Variants in RPL35A observed in about 807,000 individuals in gnomAD.
RPL35A encodes the protein large ribosomal subunit protein eL33.
A neutral mutation model predicts 16.7 loss-of-function variants in RPL35A; 1 was observed. That is an observed-to-expected ratio of 0.06 (90% CI 0.02 to 0.28). RPL35A has a LOEUF of 0.28. RPL35A is among the 10% of genes least tolerant of loss of function. RPL35A has a pLI of 1.00. For synonymous variants in RPL35A, 58 were observed against 47.0 expected, an observed-to-expected ratio of 1.23 and a Z score of -0.96; for missense variants, 91 against 138.7, an observed-to-expected ratio of 0.66 and a Z score of 1.73.
intron 3 of RPL35A, 70 bp downstream of exon 3, chr3:197,951,381 T>C (rs1416359876): frequency 6.6e-7 from 1 of 1,519,158 alleles, no homozygotes; most frequent in Admixed American, 1.7e-5. Flanking sequence ...TATAACGGAG[T>C]CTTGCTCTGT....
intron 3 of RPL35A, chr3:197,953,425 C>T (rs1280474542): frequency 1.1e-5 from 5 of 456,626 alleles, no homozygotes; most frequent in African/African-American, 6.0e-5. Context: ...GCTCGAACCA[C>T]AGTAGTTTCT....
chr3:197,955,836 AACT>A lies in RPL35A; in HGVS notation c.*64_*66del. 1 of 1,327,388 alleles carries A rather than the reference AACT, an allele frequency of 7.5e-7. No homozygotes were observed. Among genetic ancestry groups the A allele is most frequent in the Non-Finnish European group, 1.1e-6 (1 of 921,708 alleles). The allele number at this position is 1,327,388 out of a possible 1,614,324, so 82.2% of individuals were successfully genotyped here. ...TCTTGTATTTTTAAGTGGATTAAAAAACTTACTACCTTAAATTGATTTGCTACA... is the reference window on the plus strand; with the variant it reads ...TCTTGTATTTTTAAGTGGATTAAAAATACTACCTTAAATTGATTTGCTACA... On this transcript the variant is annotated 3_prime_UTR_variant, in exon 5 of 5. Transcript: ENST00000647248.
intron 1 of RPL35A, 171 bp downstream of exon 1, chr3:197,950,392 G>A (rs1329068960): frequency 8.7e-7 from 1 of 1,142,882 alleles, no homozygotes; most frequent in East Asian, 3.5e-5. Flanking sequence ...ATGGTGTTTG[G>A]TCCCCTGACA....
intron 3 of RPL35A, chr3:197,953,531 GAC>G (rs762880384): frequency 1.1e-5 from 5 of 457,180 alleles, no homozygotes; most frequent in South Asian, 1.5e-5. Context: ...TTCCGGCCAG[GAC>G]ACACACTCCT....
At chr3:197,950,301 T>A in intron 1 of RPL35A, 80 bp downstream of exon 1, 1 of 1,230,058 alleles carries the variant, frequency 8.1e-7, no homozygotes, top group Middle Eastern at 3.1e-4. Context: ...GAGTCGCCGG[T>A]GCGTATCGGA....
At position 197,955,924 on chromosome 3, in the gene RPL35A, G is replaced by C; in HGVS notation, c.*151G>C. On this transcript the variant is annotated 3_prime_UTR_variant, in exon 5 of 5. Coordinates refer to ENST00000647248, the MANE Select transcript of RPL35A (RefSeq NM_000996.4). ...GAGTACAAGGGGGTCAGAGAGACAT[G>C]TGATGAAAATTACAGGGCGAGTACA... 2.9e-6 allele frequency: 2 copies of C among 696,696 alleles called. No individual in the cohort carries two copies. The highest frequency in any genetic ancestry group is 2.6e-6 in the Non-Finnish European group (1 of 388,922). The allele number at this position is 696,696 out of a possible 1,614,324, so 43.2% of individuals were successfully genotyped here.
chr3:197,954,955 T>C (rs933691390), intron 4 of RPL35A, among the ~76,000 whole-genome samples: 1 of 152,240 alleles, frequency 6.6e-6, no homozygotes, highest in Non-Finnish European at 1.5e-5. Flanking sequence ...TTAGTAGCTT[T>C]ATTTTGTACA....
At chr3:197,954,169 A>T in intron 4 of RPL35A, 22 bp downstream of exon 4, 1 of 1,613,768 alleles carries the variant, frequency 6.2e-7, no homozygotes, top group Non-Finnish European at 8.5e-7. Flanking sequence ...TTTTAGCAAA[A>T]TGGACGTCTG....
At chr3:197,953,729 C>T (rs1048104407) in intron 3 of RPL35A, 1 of 519,726 alleles carries the variant, frequency 1.9e-6, no homozygotes, top group Non-Finnish European at 3.5e-6. Flanking sequence ...TTCAATATTG[C>T]CTCTGTTATC....
chr3:197,953,965 T>C, intron 3 of RPL35A, 38 bp from the exon 4 acceptor site: 1 of 1,610,644 alleles, frequency 6.2e-7, no homozygotes, highest in East Asian at 2.2e-5. Flanking sequence ...TCCAACTATA[T>C]CAGCTTGTAT....
At chr3:197,950,261 A>T in intron 1 of RPL35A, 40 bp downstream of exon 1, 1 of 1,230,304 alleles carries the variant, frequency 8.1e-7, no homozygotes, top group Non-Finnish European at 1.0e-6. Context: ...GGGGCAAATA[A>T]CCGGAGTAGG....
chr3:197,950,635 C>A, intron 1 of RPL35A: 1 of 447,460 alleles, frequency 2.2e-6, no homozygotes, highest in East Asian at 4.0e-5. Flanking sequence ...ATTTCTTTTC[C>A]TGAGTGTTGC....
chr3:197,951,507 C>T, intron 3 of RPL35A, 196 bp downstream of exon 3: 1 of 593,784 alleles, frequency 1.7e-6, no homozygotes. Context: ...CGCCGGCCAC[C>T]ACGCCCGGCT....
Position 197,954,027 on chromosome 3 carries a change from A to G in RPL35A, c.189A>G (p.Lys63=), listed in dbSNP as rs757278744. 1 of 1,613,400 alleles carries G rather than the reference A, an allele frequency of 6.2e-7. No individual in the cohort carries two copies. The highest frequency in any genetic ancestry group is 8.5e-7 in the Non-Finnish European group (1 of 1,179,986). The change falls in exon 4 of 5, where the codon AAA becomes AAG. Residue 63 remains lysine, a synonymous_variant. Transcript: ENST00000647248. ...GCAACACAGTCACTCCTGGCGGCAA[A>G]CCAAACAAAACCAGAGTCATCTGGG... is the stretch of plus-strand genomic sequence containing the variant. ...AKNNTVTPGG[K]PNKTRVIWGK...
rs1719940446 is a variant in RPL35A, at chr3:197,950,240, G to A, written c.-33+19G>A. The A allele has an allele frequency of 3.3e-6, 4 of 1,230,764 alleles. No individual in the cohort carries two copies. The highest frequency in any genetic ancestry group is 4.0e-6 in the Non-Finnish European group (4 of 987,690). The allele number at this position is 1,230,764 out of a possible 1,614,324, so 76.2% of individuals were successfully genotyped here. On this transcript the variant is annotated intron_variant, in intron 1 of 4. Coordinates refer to ENST00000647248, the MANE Select transcript of RPL35A (RefSeq NM_000996.4). ...TGTGGAGGTGAGTGAAGGGTCTGCT[G>A]CTGAAATTTGGGGGCAAATAACCGG... is the stretch of plus-strand genomic sequence containing the variant.
chr3:197,954,403 A>C (rs1442547009), intron 4 of RPL35A: 33 of 519,248 alleles, frequency 6.4e-5, no homozygotes, highest in Non-Finnish European at 1.1e-4. Context: ...GCATAATCAC[A>C]GCTTATTGCA....
At chr3:197,950,596 C>T (rs1025306923) in intron 1 of RPL35A, 26 of 380,398 alleles carry the variant, frequency 6.8e-5, no homozygotes, top group African/African-American at 4.5e-4. Context: ...GCATAAAAGT[C>T]TTACGTGTGT....
At chr3:197,951,093 G>T in intron 2 of RPL35A, 66 bp from the exon 3 acceptor site, 1 of 1,608,026 alleles carries the variant, frequency 6.2e-7, no homozygotes, top group Non-Finnish European at 8.5e-7. Context: ...TTTGGGTGGG[G>T]GTGATTACAA....
At chr3:197,954,558 G>A in intron 4 of RPL35A, 1 of 307,418 alleles carries the variant, frequency 3.3e-6, no homozygotes. Flanking sequence ...CACGCAGGCT[G>A]GAGTGCAGTG....
Sources: allele counts gnomAD v4.1 joint callset (sites outside exome capture counted in the v4.1 genomes callset), GRCh38; gene constraint gnomAD v4.1.1; transcripts MANE v1.5; gene names NCBI Gene and HGNC (gene_info 2026-07-23, HGNC 2026-07-21).